ARNT2: variants seen among roughly 807,000 people sequenced by gnomAD.
ARNT2 encodes aryl hydrocarbon receptor nuclear translocator 2.
Under a neutral mutation model 91.7 loss-of-function variants are expected in ARNT2, and 36 were observed. The observed-to-expected ratio is 0.39, with a 90% confidence interval of 0.30 to 0.52. The LOEUF (loss-of-function observed/expected upper bound fraction) is 0.52. ARNT2 is among the 20% of genes least tolerant of loss of function. The pLI is 0.72. For synonymous variants in ARNT2, 365 were observed against 347.1 expected (o/e 1.05, Z -0.57); for missense variants, 775 against 939.3 (o/e 0.83, Z 2.29).
In ARNT2 at chr15:80,439,795, A is replaced by G. The variant is rs539692372; in HGVS notation, c.32-11085A>G. Among the ~76,000 whole-genome samples the G allele has an allele frequency of 1.4e-4, 21 of 152,288 alleles. No individual in the cohort carries two copies. The South Asian group carries it at 4.4e-3, about 32-fold the overall frequency. ...ACTGGCCTCTTCCCTTTTATACAGG[A>G]AGGTCCCTCAGGTATCTGAAGACAG... On this transcript the variant is annotated intron_variant, in intron 1 of 18. Coordinates refer to ENST00000303329, the MANE Select transcript of ARNT2 (RefSeq NM_014862.4).
intron 15 of ARNT2, 90 bp downstream of exon 15, chr15:80,577,055 A>C (rs1037972568): frequency 7.7e-7 from 1 of 1,306,780 alleles, no homozygotes; most frequent in Admixed American, 1.8e-5. Context: ...GTGGGCTGTA[A>C]GCATGAGTTA....
At chr15:80,455,348 G>A (rs1023330758) in intron 2 of ARNT2, among the ~76,000 whole-genome samples, 4 of 152,292 alleles carry the variant, frequency 2.6e-5, no homozygotes, top group Admixed American at 6.5e-5. Context: ...CTGTACACAT[G>A]CACAGGTGTG....
chr15:80,528,073 A>G (rs1897667002), intron 8 of ARNT2, among the ~76,000 whole-genome samples: 1 of 152,100 alleles, frequency 6.6e-6, no homozygotes, highest in African/African-American at 2.4e-5. Context: ...TTATGCAATA[A>G]CCCATGGAGA....
intron 1 of ARNT2, among the ~76,000 whole-genome samples, chr15:80,439,683 C>G (rs1018861208): frequency 6.6e-6 from 1 of 152,220 alleles, no homozygotes; most frequent in African/African-American, 2.4e-5. Flanking sequence ...TGCCTTTGGA[C>G]AGTCAACATG....
intron 5 of ARNT2, among the ~76,000 whole-genome samples, chr15:80,491,977 C>T (rs1039719851): frequency 6.6e-6 from 1 of 152,130 alleles, no homozygotes; most frequent in African/African-American, 2.4e-5. Context: ...TATATCTACA[C>T]AGGTGTACGT....
At chr15:80,494,757 A>G (rs1361023086) in intron 5 of ARNT2, among the ~76,000 whole-genome samples, 2 of 151,970 alleles carry the variant, frequency 1.3e-5, no homozygotes, top group Non-Finnish European at 2.9e-5. Flanking sequence ...GAGGTGGGAG[A>G]GGTGGTATGG....
At chr15:80,444,300 G>A (rs904554399) in intron 1 of ARNT2, 1 of 154,622 alleles carries the variant, frequency 6.5e-6, no homozygotes, top group Non-Finnish European at 1.5e-5. Flanking sequence ...CAGCGAGGAG[G>A]AAGTTGTTCC....
chr15:80,594,486 A>T lies in ARNT2; in HGVS notation c.*788A>T, dbSNP rs1358665708. On this transcript the variant is annotated 3_prime_UTR_variant, in exon 19 of 19. Transcript: ENST00000303329. Reference sequence around the variant, plus strand: ...AACAGGCTGACACTTCGGCAGGGTCACCAGGAGGCACAGCTAGGGGCATGC... The same window carrying T: ...AACAGGCTGACACTTCGGCAGGGTCTCCAGGAGGCACAGCTAGGGGCATGC... 1 of 152,378 alleles carries T rather than the reference A, an allele frequency of 6.6e-6. No individual in the cohort carries two copies. Among genetic ancestry groups the T allele is most frequent in the African/African-American group, 2.4e-5 (1 of 41,464 alleles). The allele number at this position is 152,378 out of a possible 1,614,324, so 9.4% of individuals were successfully genotyped here. A position where few individuals can be genotyped will look rare whatever the true frequency, so the allele number is the denominator to read the frequency against.
chr15:80,407,021 G>GC (rs1298737537), intron 1 of ARNT2, among the ~76,000 whole-genome samples: 1 of 152,170 alleles, frequency 6.6e-6, no homozygotes, highest in Non-Finnish European at 1.5e-5. Flanking sequence ...TGGTACCCAA[G>GC]CTTGTCACCC....
At chr15:80,524,832 G>A (rs1025666290) in intron 8 of ARNT2, among the ~76,000 whole-genome samples, 6 of 149,962 alleles carry the variant, frequency 4.0e-5, no homozygotes, top group African/African-American at 7.4e-5. Context: ...CAGAGATTGC[G>A]CCATTGCACT....
chr15:80,504,452 A>G (rs1272518376), intron 5 of ARNT2, among the ~76,000 whole-genome samples: 4 of 152,170 alleles, frequency 2.6e-5, no homozygotes, highest in Non-Finnish European at 5.9e-5. Context: ...GGCTGAGGTG[A>G]CACCTTGGGT....
intron 8 of ARNT2, among the ~76,000 whole-genome samples, chr15:80,532,530 G>T (rs1053970765): frequency 1.3e-5 from 2 of 152,284 alleles, no homozygotes; most frequent in East Asian, 3.9e-4. Context: ...GATGTGCTCC[G>T]AATAGTCCTC....
At chr15:80,457,008 T>C (rs1306275508) in intron 2 of ARNT2, among the ~76,000 whole-genome samples, 1 of 152,232 alleles carries the variant, frequency 6.6e-6, no homozygotes, top group Non-Finnish European at 1.5e-5. Context: ...TCCACTCACG[T>C]GGATGTCCAG....
chr15:80,467,414 C>T (rs1249717904), intron 3 of ARNT2, among the ~76,000 whole-genome samples: 1 of 152,138 alleles, frequency 6.6e-6, no homozygotes, highest in East Asian at 1.9e-4. Flanking sequence ...GGGTGGGGAG[C>T]AGCTGACACG....
At chr15:80,450,807 G>T in intron 1 of ARNT2, 73 bp from the exon 2 acceptor site, 1 of 1,451,514 alleles carries the variant, frequency 6.9e-7, no homozygotes. Context: ...TTCTGGTACC[G>T]TATCACAACT....
intron 8 of ARNT2, among the ~76,000 whole-genome samples, chr15:80,527,442 TA>T (rs1382706294): frequency 6.6e-6 from 1 of 152,036 alleles, no homozygotes; most frequent in Non-Finnish European, 1.5e-5. Flanking sequence ...AAAGAGAGAG[TA>T]ACATTTGAGC....
intron 1 of ARNT2, among the ~76,000 whole-genome samples, chr15:80,410,980 AG>A (rs1895673984): frequency 6.6e-6 from 1 of 152,012 alleles, no homozygotes. Context: ...TTTCCAATTG[AG>A]GGCTCTTGTT....
At chr15:80,406,046 T>A (rs941852422) in intron 1 of ARNT2, among the ~76,000 whole-genome samples, 4 of 152,006 alleles carry the variant, frequency 2.6e-5, no homozygotes, top group Admixed American at 1.3e-4. Context: ...CAGCATGAAA[T>A]GAGGCAGGTG....
At chr15:80,472,129 G>A (rs1226857250) in intron 4 of ARNT2, among the ~76,000 whole-genome samples, 1 of 151,962 alleles carries the variant, frequency 6.6e-6, no homozygotes, top group Non-Finnish European at 1.5e-5. Flanking sequence ...GGGTGGGGAG[G>A]TGAAATAATA....
Sources: allele counts gnomAD v4.1 joint callset (sites outside exome capture counted in the v4.1 genomes callset), GRCh38; gene constraint gnomAD v4.1.1; transcripts MANE v1.5; gene names NCBI Gene and HGNC (gene_info 2026-07-23, HGNC 2026-07-21).